Variants in CCDC30 observed in about 807,000 individuals in gnomAD.
CCDC30 encodes coiled-coil domain containing 30, also known as coiled-coil domain-containing protein 30.
CCDC30 carries 70 observed loss-of-function variants against 100.2 expected under a neutral mutation model. The observed-to-expected ratio is 0.70, with a 90% confidence interval of 0.58 to 0.85. CCDC30 has a LOEUF of 0.85. CCDC30 is among the 40% of genes least tolerant of loss of function. The pLI is 0.00. For missense variants in CCDC30, 652 were observed against 771.2 expected (o/e 0.85, Z 1.83); for synonymous variants, 233 against 269.5 (o/e 0.86, Z 1.33).
At chr1:42,463,054 G>T (rs1421630674), upstream of CCDC30, among the ~76,000 whole-genome samples, 4 of 152,226 alleles carry the variant, frequency 2.6e-5, no homozygotes, top group African/African-American at 9.6e-5. Context: ...AAATGTATTC[G>T]CTAAGTCGCA....
intron 11 of CCDC30, among the ~76,000 whole-genome samples, chr1:42,623,708 C>T (rs1557465544): frequency 6.6e-6 from 1 of 152,080 alleles, no homozygotes; most frequent in Non-Finnish European, 1.5e-5. Context: ...ATGTCTTTGG[C>T]TATTCTGGGT....
intron 14 of CCDC30, among the ~76,000 whole-genome samples, chr1:42,645,331 TC>T (rs1458221441): frequency 2.6e-5 from 4 of 151,292 alleles, no homozygotes; most frequent in Non-Finnish European, 2.9e-5. Context: ...TGGCAAAGAG[TC>T]AAGCCTAAAG....
intron 9 of CCDC30, among the ~76,000 whole-genome samples, chr1:42,586,405 C>T (rs536110091): frequency 9.9e-5 from 15 of 152,100 alleles, no homozygotes; most frequent in Non-Finnish European, 2.1e-4. Flanking sequence ...CTCCTGGGCT[C>T]AGATGATCCT....
intron 9 of CCDC30, among the ~76,000 whole-genome samples, chr1:42,584,041 G>A (rs893297978): frequency 6.6e-6 from 1 of 152,202 alleles, no homozygotes; most frequent in Non-Finnish European, 1.5e-5. Flanking sequence ...TGTAGGCCTG[G>A]CTGTTGCGTC....
intron 1 of CCDC30, among the ~76,000 whole-genome samples, chr1:42,470,295 T>TG (rs1643727216): frequency 6.6e-6 from 1 of 151,226 alleles, no homozygotes; most frequent in Admixed American, 6.6e-5. Flanking sequence ...GATGGCTATT[T>TG]TTTTTTTAAA....
At chr1:42,527,055 T>C (rs745357299) in intron 6 of CCDC30, among the ~76,000 whole-genome samples, 2 of 152,202 alleles carry the variant, frequency 1.3e-5, no homozygotes, top group Non-Finnish European at 2.9e-5. Flanking sequence ...TTTTTCAAAA[T>C]AACTGCTCTG....
intron 11 of CCDC30, among the ~76,000 whole-genome samples, chr1:42,621,122 C>G (rs1417084213): frequency 6.6e-6 from 1 of 152,026 alleles, no homozygotes; most frequent in Non-Finnish European, 1.5e-5. Flanking sequence ...GCAGAAGTTA[C>G]AAGTGGATTT....
chr1:42,536,239 CATTTT>C (rs1644902272), intron 6 of CCDC30, among the ~76,000 whole-genome samples: 1 of 152,082 alleles, frequency 6.6e-6, no homozygotes, highest in African/African-American at 2.4e-5. Flanking sequence ...TTCAAAATCA[CATTTT>C]ATTCCTACTG....
the CCDC30 span, chr1:42,457,685 G>C: frequency 4.2e-6 from 1 of 240,858 alleles, no homozygotes. Flanking sequence ...GAGCGCGGTG[G>C]CTCACGCCTG....
At chr1:42,522,047 T>G (rs1644656448) in intron 6 of CCDC30, among the ~76,000 whole-genome samples, 1 of 152,150 alleles carries the variant, frequency 6.6e-6, no homozygotes, top group African/African-American at 2.4e-5. Context: ...TAAAATGGTG[T>G]AGGTATTTGC....
chr1:42,497,503 A>G (rs954893462), intron 5 of CCDC30, among the ~76,000 whole-genome samples: 3 of 152,214 alleles, frequency 2.0e-5, no homozygotes, highest in Non-Finnish European at 4.4e-5. Context: ...CGTTCACCAC[A>G]TAGAAAATAT....
At chr1:42,459,970 G>A (rs750031368), upstream of CCDC30, 101 of 1,532,482 alleles carry the variant, frequency 6.6e-5, no homozygotes, top group Middle Eastern at 9.4e-4. Flanking sequence ...AGGGCTCTTA[G>A]AGATGGTGAA....
chr1:42,636,836 G>A (rs892119822), intron 11 of CCDC30, among the ~76,000 whole-genome samples: 1 of 151,298 alleles, frequency 6.6e-6, no homozygotes, highest in Non-Finnish European at 1.5e-5. Context: ...CATGGTGGCA[G>A]GCACCTGTAG....
intron 6 of CCDC30, among the ~76,000 whole-genome samples, chr1:42,546,850 G>A (rs957994637): frequency 6.6e-6 from 1 of 152,078 alleles, no homozygotes; most frequent in Non-Finnish European, 1.5e-5. Flanking sequence ...TAAGTTAATA[G>A]TTGCAATCAA....
At chr1:42,602,678 C>T (rs901144369) in intron 10 of CCDC30, among the ~76,000 whole-genome samples, 3 of 152,122 alleles carry the variant, frequency 2.0e-5, no homozygotes, top group African/African-American at 7.2e-5. Context: ...AAGCACCAGG[C>T]CCAGATGGTT....
At chr1:42,578,407 A>G (rs888416355) in intron 8 of CCDC30, among the ~76,000 whole-genome samples, 1 of 152,188 alleles carries the variant, frequency 6.6e-6, no homozygotes, top group Non-Finnish European at 1.5e-5. Flanking sequence ...GTGGTGCTGC[A>G]AGTATTCTAT....
intron 12 of CCDC30, among the ~76,000 whole-genome samples, chr1:42,641,317 A>G (rs1168728874): frequency 6.6e-6 from 1 of 150,902 alleles, no homozygotes. Context: ...GGCTCAAGCA[A>G]TCCTCCCACT....
At chr1:42,547,173 G>A (rs1288815202) in intron 6 of CCDC30, among the ~76,000 whole-genome samples, 1 of 152,162 alleles carries the variant, frequency 6.6e-6, no homozygotes, top group African/African-American at 2.4e-5. Context: ...GAAGGGGTAT[G>A]ATAATGGTCA....
At chr1:42,623,830 GACATTTTA>G (rs1296682080) in intron 11 of CCDC30, among the ~76,000 whole-genome samples, 1 of 152,108 alleles carries the variant, frequency 6.6e-6, no homozygotes, top group Non-Finnish European at 1.5e-5. Flanking sequence ...TGGTAATATG[GACATTTTA>G]ACAATATTGA....
Sources: gnomAD v4.1 joint callset for allele counts (sites outside exome capture counted in the v4.1 genomes callset) on GRCh38, gnomAD v4.1.1 for gene constraint, MANE v1.5 for transcripts, NCBI Gene and HGNC (gene_info 2026-07-23, HGNC 2026-07-21) for gene names.